AP1S1: variants seen among roughly 807,000 people sequenced by gnomAD.
AP1S1 encodes AP-1 complex subunit sigma-1A.
A neutral mutation model predicts 23.9 loss-of-function variants in AP1S1; 13 were observed. The ratio of observed to expected loss-of-function variants is 0.54; its 90% CI spans 0.35 to 0.86. AP1S1 has a LOEUF of 0.86. Ranked by LOEUF, AP1S1 falls within the 40% of genes least tolerant of loss-of-function variation. AP1S1 has a pLI of 0.01. For synonymous variants in AP1S1, 84 were observed against 77.7 expected (o/e 1.08, Z -0.43); for missense variants, 119 against 197.6 (o/e 0.60, Z 2.38).
intron 3 of AP1S1, 101 bp downstream of exon 3, chr7:101,157,586 G>A (rs1797013309): frequency 7.9e-6 from 7 of 888,734 alleles, no homozygotes; most frequent in Non-Finnish European, 1.3e-5. Flanking sequence ...AGTTTCAGGG[G>A]AGAGGTGAAG....
At position 101,157,488 on chromosome 7, in the gene AP1S1, A is replaced by G. The variant is rs776887171; in HGVS notation, c.291+3A>G. ...TCTTAGACAAATACTTTGGCAGTGT[A>G]AGTCTCCTCTGCCCACCAGTTTCCA... On this transcript the variant is annotated splice_donor_region_variant and intron_variant, in intron 3 of 4. Coordinates refer to ENST00000337619, the MANE Select transcript of AP1S1 (RefSeq NM_001283.5). 1.9e-6 allele frequency: 3 copies of G among 1,550,330 alleles called. No homozygotes were observed. The South Asian group carries it at 3.6e-5, about 18-fold the overall frequency.
chr7:101,157,799 CTCACCCTA>C (rs1023488255), intron 3 of AP1S1, among the ~76,000 whole-genome samples: 4 of 152,092 alleles, frequency 2.6e-5, no homozygotes, highest in Admixed American at 1.3e-4. Context: ...GAGACACAGT[CTCACCCTA>C]TCACCTGGAG....
chr7:101,155,025 C>A, intron 1 of AP1S1: 1 of 989,152 alleles, frequency 1.0e-6, no homozygotes, highest in Non-Finnish European at 1.2e-6. Flanking sequence ...GAGGCTGGGC[C>A]CAGGTAGGGA....
At chr7:101,159,008 T>C in intron 3 of AP1S1, 51 bp from the exon 4 acceptor site, 1 of 1,600,244 alleles carries the variant, frequency 6.2e-7, no homozygotes, top group Non-Finnish European at 8.5e-7. Context: ...GAAAAGGAAG[T>C]GGCTCCAGTT....
chr7:101,155,166 C>A, intron 1 of AP1S1: 1 of 384,374 alleles, frequency 2.6e-6, no homozygotes, highest in Non-Finnish European at 3.6e-6. Context: ...CTCCCCACCC[C>A]CCTATTTGAG....
Position 101,155,138 on chromosome 7 carries a change from C to T in AP1S1, c.3+621C>T, listed in dbSNP as rs575539346. On this transcript the variant is annotated intron_variant, in intron 1 of 4. Coordinates refer to ENST00000337619, the MANE Select transcript of AP1S1 (RefSeq NM_001283.5). ...CCCATTCTCTTTCCGGAATCCAGGC[C>T]TTCCGTCTTCCTGCTTGCTCCCCAC... 8 of 620,658 alleles carry T rather than the reference C, an allele frequency of 1.3e-5. No individual in the cohort carries two copies. The East Asian group carries it at 9.7e-4, about 75-fold the overall frequency. 38.4% of individuals were successfully genotyped at this position (620,658 alleles called of 1,614,324 possible).
rs2116694802 is a variant in AP1S1, at chr7:101,160,424, TCC to T, written c.430-91_430-90del. On this transcript the variant is annotated intron_variant, in intron 4 of 4. Transcript: ENST00000337619. ...TCTCCCCCTCCCCCGTGTCTGTGCC[TCC>T]CCCGTCTGACTCTTCCTCGTGACTG... 3.5e-6 allele frequency: 5 copies of T among 1,441,650 alleles called. No individual in the cohort carries two copies. In the South Asian group the frequency reaches 5.8e-5, roughly 17 times the overall value. The allele number at this position is 1,441,650 out of a possible 1,614,324, so 89.3% of individuals were successfully genotyped here. A position where few individuals can be genotyped will look rare whatever the true frequency, so the allele number is the denominator to read the frequency against.
At chr7:101,154,964 T>C in intron 1 of AP1S1, 2 of 1,019,220 alleles carry the variant, frequency 2.0e-6, no homozygotes, top group Non-Finnish European at 2.3e-6. Context: ...GAGGGGAGTT[T>C]CCGGGTCGGA....
At chr7:101,154,964 T>G in intron 1 of AP1S1, 8 of 1,019,220 alleles carry the variant, frequency 7.8e-6, no homozygotes, top group Non-Finnish European at 9.4e-6. Context: ...GAGGGGAGTT[T>G]CCGGGTCGGA....
chr7:101,160,399 T>C, intron 4 of AP1S1, 120 bp from the exon 5 acceptor site: 5 of 1,244,022 alleles, frequency 4.0e-6, no homozygotes, highest in Non-Finnish European at 3.4e-6. Context: ...CATTGGCTTC[T>C]CTCCCCCTCC....
rs951901512 is a variant in AP1S1 at position 101,156,766 on chromosome 7, A to G, written c.176A>G (p.Tyr59Cys). The change falls in exon 2 of 5, where the codon TAT becomes TGT. Residue 59 changes from tyrosine (Y) to cysteine (C), a missense_variant. Coordinates refer to ENST00000337619, the MANE Select transcript of AP1S1 (RefSeq NM_001283.5). ...FLEWRDLKVV[Y>C]KRYASLYFCC... is the part of the protein sequence containing the mutation. The stretch of plus-strand genomic sequence containing the variant: ...GAGTGGAGGGACCTCAAAGTTGTCT[A>G]TAAGAGGTGACTCCCCACCTACTTT... The G allele has an allele frequency of 3.9e-6, 6 of 1,558,280 alleles. No homozygotes were observed. The highest frequency in any genetic ancestry group is 3.7e-5 in the Admixed American group (2 of 54,438).
intron 3 of AP1S1, 78 bp from the exon 4 acceptor site, chr7:101,158,978 AAGG>A: frequency 6.4e-7 from 1 of 1,562,236 alleles, no homozygotes; most frequent in Non-Finnish European, 8.7e-7. Flanking sequence ...GGCAGAACCC[AAGG>A]TGGGAGGCAC....
chr7:101,160,663 C>A lies in AP1S1; in HGVS notation c.*97C>A, dbSNP rs374017908. ...GGGCCCTGTTCTTGGTGGGACTCGG[C>A]TGCCCCTCCTCTGCTGCCTCACCTT... is the stretch of plus-strand genomic sequence containing the variant. On this transcript the variant is annotated 3_prime_UTR_variant, in exon 5 of 5. Transcript: ENST00000337619. 2.8e-6 allele frequency: 4 copies of A among 1,420,528 alleles called. No individual in the cohort carries two copies. The African/African-American group carries it at 5.6e-5, about 20-fold the overall frequency. The allele number at this position is 1,420,528 out of a possible 1,614,324, so 88.0% of individuals were successfully genotyped here.
In AP1S1 at chr7:101,156,750, G is replaced by A; in HGVS notation, c.160G>A (p.Asp54Asn). The change falls in exon 2 of 5, where the codon GAC becomes AAC. Residue 54 changes from aspartate (D) to asparagine (N), a missense_variant. By Grantham distance (23) the Asp-to-Asn change is conservative. Coordinates refer to ENST00000337619, the MANE Select transcript of AP1S1 (RefSeq NM_001283.5). The stretch of plus-strand genomic sequence containing the variant: ...GATGTGCAGCTTCCTGGAGTGGAGG[G>A]ACCTCAAAGTTGTCTATAAGAGGTG... Reference protein sequence around the residue: ...PKMCSFLEWRDLKVVYKRYAS... With the variant: ...PKMCSFLEWRNLKVVYKRYAS... 6.3e-7 allele frequency: 1 copy of A among 1,587,082 alleles called. No individual in the cohort carries two copies. Among genetic ancestry groups the A allele is most frequent in the Non-Finnish European group, 8.6e-7 (1 of 1,163,736 alleles).
intron 3 of AP1S1, 92 bp from the exon 4 acceptor site, chr7:101,158,967 G>C: frequency 6.6e-7 from 1 of 1,517,406 alleles, no homozygotes. Flanking sequence ...TGGAGGTTGG[G>C]GGCAGAACCC....
chr7:101,159,817 G>C (rs1051169120), intron 4 of AP1S1, among the ~76,000 whole-genome samples: 1 of 151,764 alleles, frequency 6.6e-6, no homozygotes, highest in Non-Finnish European at 1.5e-5. Flanking sequence ...ATGAGTCACC[G>C]GAATCTGCAG....
intron 1 of AP1S1, chr7:101,154,945 G>C (rs1391497031): frequency 9.5e-7 from 1 of 1,052,898 alleles, no homozygotes; most frequent in African/African-American, 1.7e-5. Context: ...GGTGGGGAGA[G>C]GGGTGTGGGA....
intron 4 of AP1S1, among the ~76,000 whole-genome samples, chr7:101,159,981 G>GGC (rs767772928): frequency 1.0e-5 from 1 of 97,392 alleles, no homozygotes; most frequent in East Asian, 2.4e-4. Flanking sequence ...CACACACCCT[G>GGC]GCGCGCACAC....
intron 4 of AP1S1, 75 bp downstream of exon 4, chr7:101,159,271 G>A (rs1797046361): frequency 6.5e-6 from 10 of 1,534,730 alleles, no homozygotes; most frequent in South Asian, 2.4e-5. Context: ...CTGGACACCC[G>A]GCCTGCCCTG....
Sources: allele counts gnomAD v4.1 joint callset (sites outside exome capture counted in the v4.1 genomes callset), GRCh38; gene constraint gnomAD v4.1.1; transcripts MANE v1.5; gene names NCBI Gene and HGNC (gene_info 2026-07-23, HGNC 2026-07-21).